Variants in PPARGC1A observed in about 807,000 individuals in gnomAD.
The protein encoded by PPARGC1A is peroxisome proliferator-activated receptor gamma coactivator 1-alpha.
In PPARGC1A, 25 loss-of-function variants were observed where a neutral mutation model predicts 88.7. The ratio of observed to expected loss-of-function variants is 0.28; its 90% CI spans 0.21 to 0.39. The LOEUF is 0.39. Ranked by LOEUF, PPARGC1A falls within the 10% of genes least tolerant of loss-of-function variation. The pLI, the probability that PPARGC1A is intolerant of heterozygous loss-of-function variation, is 1.00. For synonymous variants in PPARGC1A, 363 were observed against 355.6 expected (o/e 1.02, Z -0.24); for missense variants, 880 against 968.7 (o/e 0.91, Z 1.22).
At chr4:23,839,960 A>G (rs1726760880) in intron 2 of PPARGC1A, among the ~76,000 whole-genome samples, 1 of 152,092 alleles carries the variant, frequency 6.6e-6, no homozygotes, top group African/African-American at 2.4e-5. Context: ...TATGGAAGCT[A>G]CAAGATGAGA....
At chr4:24,086,788 CAGTGCTT>C in the PPARGC1A span, among the ~76,000 whole-genome samples, 1 of 152,162 alleles carries the variant, frequency 6.6e-6, no homozygotes, top group African/African-American at 2.4e-5. Flanking sequence ...GGTCACCAAG[CAGTGCTT>C]ACTGATGTGT....
chr4:23,816,989 A>C (rs908505798), intron 7 of PPARGC1A, among the ~76,000 whole-genome samples: 1 of 152,184 alleles, frequency 6.6e-6, no homozygotes, highest in Admixed American at 6.5e-5. Flanking sequence ...CACTTGGGAA[A>C]CCGGGTAAAC....
At chr4:24,387,742 AAGAAAGAG>A in the PPARGC1A span, among the ~76,000 whole-genome samples, 860 of 80,430 alleles carry the variant, frequency 0.011, 28 homozygotes, top group Middle Eastern at 0.014. Context: ...TCAAGAAAGA[AAGAAAGAG>A]AGAGAGAGAG....
chr4:24,455,829 A>G, the PPARGC1A span, among the ~76,000 whole-genome samples: 21 of 152,348 alleles, frequency 1.4e-4, no homozygotes, highest in Non-Finnish European at 3.1e-4. Context: ...CATCAGCACC[A>G]TGCTCTTGGA....
chr4:24,452,289 A>T, the PPARGC1A span, among the ~76,000 whole-genome samples: 1 of 150,454 alleles, frequency 6.6e-6, no homozygotes, highest in East Asian at 1.9e-4. Flanking sequence ...ACACGCACAC[A>T]TGCACCCTAT....
the PPARGC1A span, among the ~76,000 whole-genome samples, chr4:23,930,126 T>C: frequency 1.3e-5 from 2 of 152,156 alleles, no homozygotes; most frequent in East Asian, 3.9e-4. Context: ...AGATATTCTG[T>C]TTCATTTACC....
chr4:24,140,326 G>A, the PPARGC1A span, among the ~76,000 whole-genome samples: 2 of 152,322 alleles, frequency 1.3e-5, no homozygotes, highest in East Asian at 3.9e-4. Flanking sequence ...ATTCAGGAAA[G>A]CATTCGTCTT....
intron 7 of PPARGC1A, 114 bp from the exon 8 acceptor site, chr4:23,814,719 G>A (rs1473715476): frequency 9.8e-7 from 1 of 1,016,746 alleles, no homozygotes; most frequent in Admixed American, 3.1e-5. Context: ...TCAGACAAGG[G>A]TTCAAACTGA....
the PPARGC1A span, among the ~76,000 whole-genome samples, chr4:24,064,979 A>T: frequency 6.6e-6 from 1 of 152,190 alleles, no homozygotes; most frequent in Non-Finnish European, 1.5e-5. Flanking sequence ...CAACGTTAAG[A>T]TAGTTGTGCA....
chr4:24,007,885 A>T, the PPARGC1A span, among the ~76,000 whole-genome samples: 2 of 151,788 alleles, frequency 1.3e-5, no homozygotes, highest in African/African-American at 4.8e-5. Flanking sequence ...GGACATAGAA[A>T]CTCAGAGCTG....
At chr4:24,021,428 T>C in the PPARGC1A span, among the ~76,000 whole-genome samples, 2 of 152,208 alleles carry the variant, frequency 1.3e-5, no homozygotes, top group Non-Finnish European at 2.9e-5. Flanking sequence ...AGTGATGTAC[T>C]TAGAGCTGAT....
the PPARGC1A span, among the ~76,000 whole-genome samples, chr4:23,967,487 A>T: frequency 2.6e-5 from 4 of 152,124 alleles, no homozygotes; most frequent in Non-Finnish European, 5.9e-5. Context: ...TGCTGATGGG[A>T]TTAGTCTGCC....
At chr4:23,797,231 TTAAA>T (rs1368989505) in intron 12 of PPARGC1A, among the ~76,000 whole-genome samples, 1 of 152,158 alleles carries the variant, frequency 6.6e-6, no homozygotes, top group Non-Finnish European at 1.5e-5. Context: ...CAATAGCATC[TTAAA>T]TAGTCAATTC....
At chr4:23,800,120 T>C (rs1718396515) in intron 12 of PPARGC1A, among the ~76,000 whole-genome samples, 1 of 152,190 alleles carries the variant, frequency 6.6e-6, no homozygotes, top group African/African-American at 2.4e-5. Flanking sequence ...CATCCCTTCG[T>C]TGGACAGAAG....
At chr4:24,369,348 T>C in the PPARGC1A span, among the ~76,000 whole-genome samples, 1 of 152,196 alleles carries the variant, frequency 6.6e-6, no homozygotes, top group Admixed American at 6.5e-5. Context: ...AGGAAACATT[T>C]TCTCAGATCA....
the PPARGC1A span, among the ~76,000 whole-genome samples, chr4:24,467,056 A>G: frequency 6.9e-6 from 1 of 144,238 alleles, no homozygotes; most frequent in African/African-American, 2.6e-5. Context: ...GAGAAAAAGA[A>G]AGAAAGAGAA....
the PPARGC1A span, among the ~76,000 whole-genome samples, chr4:24,301,898 T>C: frequency 7.9e-5 from 12 of 152,258 alleles, no homozygotes; most frequent in East Asian, 2.3e-3. Flanking sequence ...AGGTGCCCCA[T>C]AAATGTCTGC....
chr4:24,080,754 A>G, the PPARGC1A span, among the ~76,000 whole-genome samples: 1 of 152,132 alleles, frequency 6.6e-6, no homozygotes, highest in African/African-American at 2.4e-5. Flanking sequence ...AGACAATGAA[A>G]CTGAGGGTTT....
At chr4:24,094,706 G>A in the PPARGC1A span, among the ~76,000 whole-genome samples, 6 of 152,016 alleles carry the variant, frequency 3.9e-5, no homozygotes, top group Non-Finnish European at 2.9e-5. Context: ...AACAAAGTAC[G>A]TGTCTCCAAA....
Sources: gnomAD v4.1 joint callset for allele counts (sites outside exome capture counted in the v4.1 genomes callset) on GRCh38, gnomAD v4.1.1 for gene constraint, MANE v1.5 for transcripts, NCBI Gene and HGNC (gene_info 2026-07-23, HGNC 2026-07-21) for gene names.